Variants in MLH3 observed in about 807,000 individuals in gnomAD.
The protein encoded by MLH3 is DNA mismatch repair protein Mlh3.
In MLH3, 82 loss-of-function variants were observed where a neutral mutation model predicts 122.2. That is an observed-to-expected ratio of 0.67 (90% confidence interval 0.56 to 0.81). The LOEUF (loss-of-function observed/expected upper bound fraction) is 0.81, where lower values mean the gene tolerates loss of function less well. MLH3 is among the 30% of genes least tolerant of loss of function. The pLI is 0.00. For synonymous variants in MLH3, 524 were observed against 599.5 expected (o/e 0.87, Z 1.84); for missense variants, 1,539 against 1,714.5 (o/e 0.90, Z 1.81).
chr14:75,030,090 G>A (rs748100575), intron 9 of MLH3, among the ~76,000 whole-genome samples: 2 of 152,122 alleles, frequency 1.3e-5, no homozygotes, highest in Non-Finnish European at 2.9e-5. Context: ...GGAGATCAAG[G>A]CTACAGTGAG....
chr14:75,046,860 A>C lies in MLH3; in HGVS notation c.2796T>G (p.Asn932Lys). Reference protein sequence around the residue: ...LFNNKHEKTENGVIPTSDSAT... With the variant: ...LFNNKHEKTEKGVIPTSDSAT... ...CAGAATCTGATGTTGGGATGACACC[A>C]TTCTCTGTTTTTTCATGCTTGTTGT... The change falls in exon 2 of 13, where the codon AAT becomes AAG. Residue 932 changes from asparagine to lysine, a missense_variant. Transcript: ENST00000355774. The C allele has an allele frequency of 3.1e-6, 5 of 1,614,084 alleles. No individual in the cohort carries two copies. The highest frequency in any genetic ancestry group is 4.2e-6 in the Non-Finnish European group (5 of 1,180,022).
At position 75,017,135 on chromosome 14, in the gene MLH3, A is replaced by G; in HGVS notation, c.4309T>C (p.Cys1437Arg). 1.2e-6 allele frequency: 2 copies of G among 1,613,552 alleles called. No individual in the cohort carries two copies. Among genetic ancestry groups the G allele is most frequent in the Non-Finnish European group, 1.7e-6 (2 of 1,179,946 alleles). The change falls in exon 13 of 13, where the codon TGT becomes CGT. Residue 1437 changes from cysteine (C) to arginine (R), a missense_variant. Coordinates refer to ENST00000355774, the MANE Select transcript of MLH3 (RefSeq NM_001040108.2). Reference sequence around the variant, plus strand: ...TGCTGCAGGCTCTGCCTTGTATCACACTCTGCTTTTCCAAAGAGACGCCAG... The same window carrying G: ...TGCTGCAGGCTCTGCCTTGTATCACGCTCTGCTTTTCCAAAGAGACGCCAG... ...QAWRLFGKAE[C>R]DTRQSLQQSM...
At chr14:75,023,997 T>TC (rs1890459409) in intron 9 of MLH3, among the ~76,000 whole-genome samples, 1 of 152,178 alleles carries the variant, frequency 6.6e-6, no homozygotes, top group South Asian at 2.1e-4. Context: ...AAAGATGGTC[T>TC]CATAAGACTC....
rs1048840631 is a variant in MLH3, at chr14:75,048,478, G to A, written c.1178C>T (p.Ala393Val). The change falls in exon 2 of 13, where the codon GCA becomes GTA. Residue 393 changes from alanine to valine, a missense_variant. By Grantham distance (64) the Ala-to-Val change is moderately conservative. Transcript: ENST00000355774. ...TSDERSNFQE[A>V]CNNILDSYEM... ...ATAGGAATCTAAAATATTATTACAT[G>A]CTTCCTGGAAATTGCTCCTCTCATC... The A allele has an allele frequency of 6.2e-7, 1 of 1,612,660 alleles. No homozygotes were observed. The highest frequency in any genetic ancestry group is 8.5e-7 in the Non-Finnish European group (1 of 1,179,712).
In MLH3 at chr14:75,023,052, C is replaced by T. The variant is rs567312418; in HGVS notation, c.3988-34G>A. ...CAAAAGGAAAATCGGCTTTAATCTA[C>T]GGTTATGTTTTACTTGCCCTTTGAT... On this transcript the variant is annotated intron_variant, in intron 9 of 12. Transcript: ENST00000355774. 75 of 1,613,016 alleles carry T rather than the reference C, an allele frequency of 4.6e-5. No homozygotes were observed. Among genetic ancestry groups the T allele is most frequent in the Admixed American group, 3.0e-4 (18 of 59,982 alleles).
chr14:75,031,550 C>T (rs749413954), intron 8 of MLH3, among the ~76,000 whole-genome samples: 4 of 152,206 alleles, frequency 2.6e-5, no homozygotes, highest in Non-Finnish European at 5.9e-5. Flanking sequence ...CAGTGGCTCA[C>T]GCCTGTAATC....
intron 12 of MLH3, 30 bp downstream of exon 12, chr14:75,018,799 C>T (rs1397327615): frequency 3.1e-6 from 5 of 1,611,954 alleles, no homozygotes; most frequent in Admixed American, 3.3e-5. Flanking sequence ...AAACTTTGCT[C>T]CCTCCTGCTC....
chr14:75,028,416 ATTTT>A (rs34129769), intron 9 of MLH3, among the ~76,000 whole-genome samples: 4 of 128,156 alleles, frequency 3.1e-5, no homozygotes, highest in Non-Finnish European at 5.0e-5. Context: ...TTTCCCCCCA[ATTTT>A]TTTTTTTTTT....
At chr14:75,032,631 T>C (rs1891126545) in intron 7 of MLH3, among the ~76,000 whole-genome samples, 3 of 151,914 alleles carry the variant, frequency 2.0e-5, no homozygotes, top group Admixed American at 6.6e-5. Flanking sequence ...CTGTTTTTAC[T>C]ATATCTTTCC....
chr14:75,027,620 A>G (rs1890716785), intron 9 of MLH3, among the ~76,000 whole-genome samples: 1 of 146,418 alleles, frequency 6.8e-6, no homozygotes, highest in Admixed American at 7.0e-5. Flanking sequence ...TTTTGTCTCA[A>G]GATCTGTTTG....
intron 7 of MLH3, 129 bp downstream of exon 7, chr14:75,033,288 CTT>C: frequency 1.3e-6 from 1 of 754,334 alleles, no homozygotes; most frequent in Admixed American, 2.0e-5. Flanking sequence ...AACTGCAGGA[CTT>C]TAGTTTAATT....
Position 75,046,995 on chromosome 14 carries a change from AG to A in MLH3, c.2660del (p.Thr887IlefsTer6). Reference sequence around the variant, plus strand: ...AACGACTCATCATCCCCATTGTTTGAGTTTCTCTTTCGGAACCCTTCAGTCT... The same window carrying A: ...AACGACTCATCATCCCCATTGTTTGATTTCTCTTTCGGAACCCTTCAGTCT... ...LSRLKGSERE[T>X]QTMGMMSRFN... On this transcript the variant is annotated frameshift_variant, in exon 2 of 13. Transcript: ENST00000355774. LOFTEE classifies it high-confidence loss of function. 6.2e-7 allele frequency: 1 copy of A among 1,614,124 alleles called. No individual in the cohort carries two copies. The highest frequency in any genetic ancestry group is 8.5e-7 in the Non-Finnish European group (1 of 1,180,024).
chr14:75,034,996 G>C (rs1212770480), intron 6 of MLH3, among the ~76,000 whole-genome samples: 1 of 141,638 alleles, frequency 7.1e-6, no homozygotes, highest in Non-Finnish European at 1.5e-5. Flanking sequence ...TCGGGAAGGG[G>C]AGACTGCAGT....
chr14:75,037,696 T>C (rs1048078315), intron 6 of MLH3, among the ~76,000 whole-genome samples: 19 of 152,128 alleles, frequency 1.2e-4, no homozygotes, highest in African/African-American at 3.4e-4. Context: ...CTTACACCTG[T>C]AATCCCAGCT....
At chr14:75,038,915 T>C (rs1891609748) in intron 5 of MLH3, among the ~76,000 whole-genome samples, 1 of 150,620 alleles carries the variant, frequency 6.6e-6, no homozygotes, top group South Asian at 2.1e-4. Context: ...CTCGGCTCAC[T>C]GCAAGCTCTG....
At chr14:75,051,136 G>A (rs529548610) in intron 1 of MLH3, 1 of 152,232 alleles carries the variant, frequency 6.6e-6, no homozygotes, top group Non-Finnish European at 1.5e-5. Flanking sequence ...TCCAGGGCAC[G>A]GGGGCCTGGG....
At chr14:75,033,610 G>A in intron 6 of MLH3, 120 bp from the exon 7 acceptor site, 6 of 746,454 alleles carry the variant, frequency 8.0e-6, no homozygotes, top group South Asian at 7.4e-5. Flanking sequence ...AAAACATTCT[G>A]AGGAGTAACA....
In MLH3 at chr14:75,048,137, T is replaced by C. The variant is rs371891794; in HGVS notation, c.1519A>G (p.Met507Val). 50 of 1,614,210 alleles carry C rather than the reference T, an allele frequency of 3.1e-5. No homozygotes were observed. The East Asian group carries it at 4.9e-4, about 16-fold the overall frequency. The change falls in exon 2 of 13, where the codon ATG becomes GTG. Residue 507 changes from methionine to valine, a missense_variant. Coordinates refer to ENST00000355774, the MANE Select transcript of MLH3 (RefSeq NM_001040108.2). ...LENPCGTSLE[M>V]FLSPFQTPCH... The stretch of plus-strand genomic sequence containing the variant: ...GGTGTCTGAAAAGGGCTTAAAAACA[T>C]TTCTAAACTGGTTCCACACGGATTT...
chr14:75,023,960 C>T (rs965903473), intron 9 of MLH3, among the ~76,000 whole-genome samples: 1 of 152,132 alleles, frequency 6.6e-6, no homozygotes, highest in African/African-American at 2.4e-5. Flanking sequence ...TTAAAAATCA[C>T]ATGTTTTCCC....
Sources: gnomAD v4.1 joint callset for allele counts (sites outside exome capture counted in the v4.1 genomes callset) on GRCh38, gnomAD v4.1.1 for gene constraint, MANE v1.5 for transcripts, NCBI Gene and HGNC (gene_info 2026-07-23, HGNC 2026-07-21) for gene names.